The following SLC7A2 variants were observed in gnomAD, a reference collection of about 807,000 sequenced individuals.
The protein encoded by SLC7A2 is cationic amino acid transporter 2.
SLC7A2 carries 48 observed loss-of-function variants against 58.9 expected under a neutral mutation model. The ratio of observed to expected loss-of-function variants is 0.82; its 90% CI spans 0.65 to 1.04. The LOEUF (loss-of-function observed/expected upper bound fraction) is 1.04. Among genes scored for constraint, SLC7A2 ranks in the 50% least tolerant of loss-of-function variants. The pLI is 0.00. For synonymous variants in SLC7A2, 363 were observed against 314.5 expected (o/e 1.15, Z -1.63); for missense variants, 1,029 against 818.8 (o/e 1.26, Z -3.13).
At chr8:17,529,541 T>G (rs908766078) in intron 2 of SLC7A2, among the ~76,000 whole-genome samples, 1 of 151,652 alleles carries the variant, frequency 6.6e-6, no homozygotes, top group Non-Finnish European at 1.5e-5. Context: ...TGTTTTTTTT[T>G]TTTTTGAGAG....
In SLC7A2 at chr8:17,554,662, A is replaced by C. The variant is rs750891754; in HGVS notation, c.1158A>C (p.Thr386=). 1.2e-6 allele frequency: 2 copies of C among 1,613,428 alleles called. No homozygotes were observed. The highest frequency in any genetic ancestry group is 2.2e-5 in the South Asian group (2 of 90,882). ...CTCAAATCAATTCCAAAACGAAGAC[A>C]CCAATAATTGCTACTTTATCATCGG... ...CLAQINSKTK[T]PIIATLSSGA... Residue 386 remains threonine, a synonymous_variant, in exon 8 of 13, where the codon ACA becomes ACC. Coordinates refer to ENST00000494857, the MANE Select transcript of SLC7A2 (RefSeq NM_001370338.1).
chr8:17,544,151 T>G (rs1184909555), intron 3 of SLC7A2, among the ~76,000 whole-genome samples: 1 of 152,216 alleles, frequency 6.6e-6, no homozygotes, highest in Non-Finnish European at 1.5e-5. Flanking sequence ...ATTGCAGGTG[T>G]GAGCCACGGC....
chr8:17,514,996 G>A (rs1800746216), intron 2 of SLC7A2, among the ~76,000 whole-genome samples: 1 of 152,198 alleles, frequency 6.6e-6, no homozygotes, highest in African/African-American at 2.4e-5. Flanking sequence ...TACATGGGTA[G>A]AGCTATATTG....
At chr8:17,537,133 C>G (rs7462798) in intron 2 of SLC7A2, among the ~76,000 whole-genome samples, 2 of 152,206 alleles carry the variant, frequency 1.3e-5, no homozygotes, top group South Asian at 4.1e-4. Flanking sequence ...CTTGGCTCAC[C>G]GCAACCTCTG....
rs576821984 is a variant in SLC7A2, at chr8:17,538,324, T to G, written c.-22-4994T>G. The stretch of plus-strand genomic sequence containing the variant: ...AGAAAACTCTGGAGGAAGAAATTAT[T>G]CAGAAGACTTGATTTGGAGAAAAGA... On this transcript the variant is annotated intron_variant, in intron 2 of 12. Transcript: ENST00000494857. 8.5e-5 allele frequency among the ~76,000 whole-genome samples: 13 copies of G among 152,304 alleles called. No individual in the cohort carries two copies. In the South Asian group the frequency reaches 2.7e-3, roughly 32 times the overall value.
At chr8:17,538,883 G>C in intron 2 of SLC7A2, 1 of 1,613,832 alleles carries the variant, frequency 6.2e-7, no homozygotes, top group Non-Finnish European at 8.5e-7. Flanking sequence ...GGGTTTATTG[G>C]AACACCTGCC....
At chr8:17,544,758 C>T (rs1385645946) in intron 4 of SLC7A2, 152 bp downstream of exon 4, 1 of 675,862 alleles carries the variant, frequency 1.5e-6, no homozygotes, top group South Asian at 2.3e-5. Flanking sequence ...GGGTTTATCA[C>T]TGGCTGGAAT....
chr8:17,532,847 A>G (rs976625278), intron 2 of SLC7A2, among the ~76,000 whole-genome samples: 6 of 152,218 alleles, frequency 3.9e-5, no homozygotes, highest in African/African-American at 1.4e-4. Context: ...CATATATCGT[A>G]CTACTCATGG....
intron 2 of SLC7A2, among the ~76,000 whole-genome samples, chr8:17,542,137 A>G (rs1801939554): frequency 6.6e-6 from 1 of 152,202 alleles, no homozygotes; most frequent in Non-Finnish European, 1.5e-5. Flanking sequence ...TTGAGAGGTG[A>G]TTTTTTAAAA....
At chr8:17,502,966 C>A (rs1023668638) in intron 2 of SLC7A2, among the ~76,000 whole-genome samples, 3 of 151,848 alleles carry the variant, frequency 2.0e-5, no homozygotes, top group Admixed American at 6.6e-5. Context: ...AATGAACTTT[C>A]CATAAGTCAA....
At chr8:17,499,543 A>G (rs560655020) in intron 1 of SLC7A2, among the ~76,000 whole-genome samples, 29 of 150,966 alleles carry the variant, frequency 1.9e-4, no homozygotes, top group Non-Finnish European at 4.3e-4. Flanking sequence ...TCCCCCAAAC[A>G]TGTAGATATG....
chr8:17,504,872 A>G (rs1294018324), intron 2 of SLC7A2, among the ~76,000 whole-genome samples: 1 of 152,196 alleles, frequency 6.6e-6, no homozygotes, highest in African/African-American at 2.4e-5. Context: ...AATGAAAGGC[A>G]TTTGCATGAA....
intron 2 of SLC7A2, among the ~76,000 whole-genome samples, chr8:17,509,599 C>T (rs1800518159): frequency 6.6e-6 from 1 of 152,012 alleles, no homozygotes; most frequent in Non-Finnish European, 1.5e-5. Flanking sequence ...AGCCACCACG[C>T]CCAACAATTT....
At chr8:17,560,142 C>T (rs563278784) in intron 9 of SLC7A2, among the ~76,000 whole-genome samples, 186 bp from the exon 10 acceptor site, 1 of 152,066 alleles carries the variant, frequency 6.6e-6, no homozygotes, top group Non-Finnish European at 1.5e-5. Context: ...GGGTATTTTG[C>T]TGCAGTTGTT....
At chr8:17,560,629 C>G in intron 10 of SLC7A2, 96 bp downstream of exon 10, 1 of 1,056,616 alleles carries the variant, frequency 9.5e-7, no homozygotes, top group Non-Finnish European at 1.4e-6. Context: ...CTAACATTGC[C>G]CTAGAATATA....
chr8:17,540,148 T>C (rs1801848352), intron 2 of SLC7A2, among the ~76,000 whole-genome samples: 1 of 152,188 alleles, frequency 6.6e-6, no homozygotes, highest in African/African-American at 2.4e-5. Context: ...CTGCTAGGAC[T>C]CAATAAATGT....
intron 1 of SLC7A2, among the ~76,000 whole-genome samples, 171 bp downstream of exon 1, chr8:17,497,408 G>T (rs1799996087): frequency 1.3e-5 from 2 of 152,130 alleles, no homozygotes; most frequent in African/African-American, 2.4e-5. Context: ...CTGAGGCCGC[G>T]CTCCAGCGAG....
At chr8:17,496,478 G>A (rs987676974), upstream of SLC7A2, among the ~76,000 whole-genome samples, 2 of 152,134 alleles carry the variant, frequency 1.3e-5, no homozygotes, top group African/African-American at 4.8e-5. Context: ...TAGCGCAGTA[G>A]GAGAAACCCT....
intron 3 of SLC7A2, among the ~76,000 whole-genome samples, chr8:17,544,121 C>A (rs2705018): frequency 6.6e-6 from 1 of 152,000 alleles, no homozygotes; most frequent in Admixed American, 6.5e-5. Flanking sequence ...CCACTCACCT[C>A]GGCCTCCCAA....
Sources: allele counts gnomAD v4.1 joint callset (sites outside exome capture counted in the v4.1 genomes callset), GRCh38; gene constraint gnomAD v4.1.1; transcripts MANE v1.5; gene names NCBI Gene and HGNC (gene_info 2026-07-23, HGNC 2026-07-21).